Variants in CSMD1 observed in about 807,000 individuals in gnomAD.
CSMD1 encodes CUB and Sushi multiple domains 1, also known as CUB and sushi domain-containing protein 1.
A neutral mutation model predicts 417.5 loss-of-function variants in CSMD1; 213 were observed. The observed-to-expected ratio is 0.51, with a 90% CI of 0.46 to 0.57. The LOEUF is 0.57. Ranked by LOEUF, CSMD1 falls within the 20% of genes least tolerant of loss-of-function variation. CSMD1 has a pLI of 0.00. For synonymous variants in CSMD1, 2,862 were observed against 1,736.8 expected, an observed-to-expected ratio of 1.65 and a Z score of -16.11; for missense variants, 6,923 against 4,529.7, an observed-to-expected ratio of 1.53 and a Z score of -15.17.
intron 3 of CSMD1, among the ~76,000 whole-genome samples, chr8:4,043,846 C>CA (rs1563356636): frequency 6.6e-6 from 1 of 152,050 alleles, no homozygotes; most frequent in Non-Finnish European, 1.5e-5. Context: ...ATTTCACATA[C>CA]AAAAATGATG....
chr8:4,548,979 A>G (rs1797748751), intron 2 of CSMD1, among the ~76,000 whole-genome samples: 1 of 152,178 alleles, frequency 6.6e-6, no homozygotes. Context: ...TTGAGACGCA[A>G]TTGTATTTTT....
rs184766433 is a variant in CSMD1, at chr8:3,855,069, C to T, written c.819-101027G>A. ...GAGAGCTTGAGAGAAATGAGAATAC[C>T]CCAAAATATCAAGAGTATTTACCTA... On this transcript the variant is annotated intron_variant, in intron 5 of 69. Transcript: ENST00000635120. Among the ~76,000 whole-genome samples, 557 of 151,938 alleles carry T rather than the reference C, an allele frequency of 3.7e-3. 3 individuals are homozygous for T. The highest frequency in any genetic ancestry group is 7.3e-3 in the African/African-American group (304 of 41,446).
chr8:4,745,412 G>C (rs1057108353), intron 1 of CSMD1, among the ~76,000 whole-genome samples: 3 of 152,122 alleles, frequency 2.0e-5, no homozygotes, highest in Non-Finnish European at 2.9e-5. Flanking sequence ...TAAATATGTA[G>C]CTCTCAAAGA....
intron 4 of CSMD1, among the ~76,000 whole-genome samples, chr8:4,024,870 G>A (rs1314855714): frequency 6.6e-6 from 1 of 152,144 alleles, no homozygotes; most frequent in African/African-American, 2.4e-5. Context: ...TCTTAAGTAA[G>A]GTTTGCTAAA....
At chr8:4,259,648 C>G (rs1351228441) in intron 3 of CSMD1, among the ~76,000 whole-genome samples, 1 of 151,994 alleles carries the variant, frequency 6.6e-6, no homozygotes, top group Non-Finnish European at 1.5e-5. Flanking sequence ...CAAAACAATG[C>G]CATTCTTCCC....
At chr8:4,371,768 TAGAC>T (rs1429458396) in intron 3 of CSMD1, among the ~76,000 whole-genome samples, 9 of 152,232 alleles carry the variant, frequency 5.9e-5, no homozygotes, top group Non-Finnish European at 1.0e-4. Context: ...GGTTACATAA[TAGAC>T]AAATATTGTT....
chr8:4,227,761 G>C (rs991354298), intron 3 of CSMD1, among the ~76,000 whole-genome samples: 2 of 147,998 alleles, frequency 1.4e-5, no homozygotes, highest in African/African-American at 5.0e-5. Context: ...CCTCCATCCT[G>C]CATTCAATCC....
intron 1 of CSMD1, among the ~76,000 whole-genome samples, chr8:4,884,844 G>C (rs1156497406): frequency 9.2e-5 from 14 of 152,026 alleles, no homozygotes; most frequent in Admixed American, 7.2e-4. Context: ...TTGGGTATTT[G>C]GGGTTCTCTT....
intron 54 of CSMD1, among the ~76,000 whole-genome samples, chr8:2,989,050 G>C (rs554435344): frequency 6.6e-6 from 1 of 152,166 alleles, no homozygotes; most frequent in Non-Finnish European, 1.5e-5. Context: ...GAAGTAGTTA[G>C]GAAAAGAATG....
chr8:4,723,805 A>G (rs945918612), intron 1 of CSMD1, among the ~76,000 whole-genome samples: 1 of 151,112 alleles, frequency 6.6e-6, no homozygotes, highest in African/African-American at 2.4e-5. Context: ...AAAAAACAAA[A>G]AAAAAACAAA....
At chr8:4,212,942 C>T (rs1563282969) in intron 3 of CSMD1, among the ~76,000 whole-genome samples, 2 of 152,016 alleles carry the variant, frequency 1.3e-5, no homozygotes, top group Admixed American at 6.6e-5. Context: ...AGCTTTCCTT[C>T]CCTCATACCC....
At chr8:3,143,393 G>A (rs962721744) in intron 40 of CSMD1, among the ~76,000 whole-genome samples, 1 of 152,118 alleles carries the variant, frequency 6.6e-6, no homozygotes, top group African/African-American at 2.4e-5. Flanking sequence ...CTAACAGCCT[G>A]GCACAGTTGA....
At chr8:4,814,398 G>A (rs972339829) in intron 1 of CSMD1, among the ~76,000 whole-genome samples, 2 of 152,076 alleles carry the variant, frequency 1.3e-5, no homozygotes, top group Admixed American at 6.6e-5. Context: ...AGCATGCACC[G>A]CCAAGCCTGG....
chr8:3,377,067 G>A (rs1433774637), intron 18 of CSMD1, among the ~76,000 whole-genome samples: 1 of 152,168 alleles, frequency 6.6e-6, no homozygotes, highest in African/African-American at 2.4e-5. Flanking sequence ...GTAGTGTAGT[G>A]GTGTGATCTT....
intron 2 of CSMD1, among the ~76,000 whole-genome samples, chr8:4,527,589 C>T (rs576913706): frequency 1.3e-5 from 2 of 152,002 alleles, no homozygotes; most frequent in Non-Finnish European, 2.9e-5. Flanking sequence ...GCATCTTGTG[C>T]TTAAGAAGTT....
intron 12 of CSMD1, among the ~76,000 whole-genome samples, chr8:3,440,677 G>C (rs181290880): frequency 1.9e-4 from 29 of 152,314 alleles, no homozygotes; most frequent in Admixed American, 5.9e-4. Context: ...TGAGCTTCCA[G>C]CACTATACTG....
At chr8:4,084,712 A>G (rs1465697178) in intron 3 of CSMD1, among the ~76,000 whole-genome samples, 2 of 151,952 alleles carry the variant, frequency 1.3e-5, no homozygotes, top group Non-Finnish European at 2.9e-5. Context: ...CAATAACAGA[A>G]AAAGCAGCCC....
chr8:3,476,100 TC>T (rs1817397488), intron 11 of CSMD1, among the ~76,000 whole-genome samples: 1 of 152,180 alleles, frequency 6.6e-6, no homozygotes, highest in Non-Finnish European at 1.5e-5. Flanking sequence ...CCCAGCACTT[TC>T]GGAGGCTGAG....
At chr8:4,933,350 C>T (rs1009564918) in intron 1 of CSMD1, among the ~76,000 whole-genome samples, 1 of 152,112 alleles carries the variant, frequency 6.6e-6, no homozygotes, top group Non-Finnish European at 1.5e-5. Context: ...TATAGTATCC[C>T]CCATTTTGGT....
Sources: gnomAD v4.1 joint callset for allele counts (sites outside exome capture counted in the v4.1 genomes callset) on GRCh38, gnomAD v4.1.1 for gene constraint, MANE v1.5 for transcripts, NCBI Gene and HGNC (gene_info 2026-07-23, HGNC 2026-07-21) for gene names.